The following SSH2 variants were observed in gnomAD, a reference collection of about 807,000 sequenced individuals.
The protein encoded by SSH2 is protein phosphatase Slingshot homolog 2.
In SSH2, 37 loss-of-function variants were observed where a neutral mutation model predicts 135.2. The ratio of observed to expected loss-of-function variants is 0.27; its 90% CI spans 0.21 to 0.36. SSH2 has a LOEUF of 0.36. Ranked by LOEUF, SSH2 falls within the 10% of genes least tolerant of loss-of-function variation. The pLI, the probability that SSH2 is intolerant of heterozygous loss-of-function variation, is 1.00. For synonymous variants in SSH2, 628 were observed against 646.2 expected, an observed-to-expected ratio of 0.97 and a Z score of 0.43; for missense variants, 1,408 against 1,765.3, an observed-to-expected ratio of 0.80 and a Z score of 3.63.
rs1022104050 is a variant in SSH2, at chr17:29,848,853, G to C, written c.140C>G (p.Ser47Cys). The part of the protein sequence containing the change: ...ECEESEIFTD[S>C]NEADSGEEEC... Reference sequence around the variant, plus strand: ...TAAAAACATATACCTACGTACATTGGAATCAGTAAAGATTTCTGATTCTTC... The same window carrying C: ...TAAAAACATATACCTACGTACATTGCAATCAGTAAAGATTTCTGATTCTTC... Residue 47 changes from serine to cysteine, a missense_variant, in exon 2 of 16, where the codon TCC (serine) becomes TGC (cysteine). By Grantham distance (112) the Ser-to-Cys change is moderately radical. Coordinates refer to ENST00000540801, the MANE Select transcript of SSH2 (RefSeq NM_001282129.2). The C allele has an allele frequency of 6.7e-5, 103 of 1,527,678 alleles. No individual in the cohort carries two copies. The highest frequency in any genetic ancestry group is 8.9e-5 in the Non-Finnish European group (102 of 1,140,102). 94.6% of individuals were successfully genotyped at this position (1,527,678 alleles called of 1,614,324 possible). A position where few individuals can be genotyped will look rare whatever the true frequency, so the allele number is the denominator to read the frequency against.
chr17:29,793,441 C>T (rs2042106193), intron 3 of SSH2, among the ~76,000 whole-genome samples: 1 of 152,084 alleles, frequency 6.6e-6, no homozygotes, highest in South Asian at 2.1e-4. Context: ...AAACTGAAGG[C>T]TGAAATGTTC....
At chr17:29,674,512 G>A (rs1242217916) in intron 8 of SSH2, among the ~76,000 whole-genome samples, 3 of 152,210 alleles carry the variant, frequency 2.0e-5, no homozygotes, top group African/African-American at 7.2e-5. Flanking sequence ...AGCTGCATCA[G>A]AGTGGGAGGC....
At chr17:29,872,321 G>T (rs965375721) in intron 1 of SSH2, among the ~76,000 whole-genome samples, 14 of 152,096 alleles carry the variant, frequency 9.2e-5, no homozygotes, top group Non-Finnish European at 8.8e-5. Flanking sequence ...TCCCATTCAA[G>T]AATCAAAATA....
chr17:29,829,464 TTG>T (rs113871041), intron 2 of SSH2, among the ~76,000 whole-genome samples: 9 of 149,614 alleles, frequency 6.0e-5, no homozygotes, highest in Non-Finnish European at 8.9e-5. Flanking sequence ...TGTCGATGGC[TTG>T]TGTGTGTGTG....
intron 4 of SSH2, among the ~76,000 whole-genome samples, chr17:29,700,389 T>C (rs1000151751): frequency 2.6e-5 from 4 of 152,216 alleles, no homozygotes; most frequent in Non-Finnish European, 5.9e-5. Flanking sequence ...GGATATCCTA[T>C]ACCTGGAGAT....
chr17:29,701,973 T>A (rs1221311718), intron 4 of SSH2, among the ~76,000 whole-genome samples: 1 of 149,136 alleles, frequency 6.7e-6, no homozygotes, highest in Admixed American at 6.7e-5. Flanking sequence ...GGCAATCCTC[T>A]TGCCTCAGCC....
At chr17:29,748,977 C>T (rs1399857326) in intron 3 of SSH2, among the ~76,000 whole-genome samples, 4 of 152,132 alleles carry the variant, frequency 2.6e-5, no homozygotes, top group African/African-American at 9.7e-5. Context: ...AAGGATGATT[C>T]AACTTCAATA....
chr17:29,769,259 T>C (rs1039042717), intron 3 of SSH2, among the ~76,000 whole-genome samples: 1 of 152,174 alleles, frequency 6.6e-6, no homozygotes, highest in African/African-American at 2.4e-5. Flanking sequence ...TCCATGATGA[T>C]GGAGGTTCAT....
At chr17:29,798,732 T>C (rs2042200546) in intron 2 of SSH2, among the ~76,000 whole-genome samples, 1 of 152,234 alleles carries the variant, frequency 6.6e-6, no homozygotes, top group Non-Finnish European at 1.5e-5. Flanking sequence ...TTATCCATTA[T>C]GACAATCTTT....
At chr17:29,715,493 C>G (rs1167098596) in intron 3 of SSH2, among the ~76,000 whole-genome samples, 1 of 152,024 alleles carries the variant, frequency 6.6e-6, no homozygotes, top group Non-Finnish European at 1.5e-5. Flanking sequence ...GATCCACCTG[C>G]CTCAGCCTCC....
chr17:29,837,665 T>A (rs1048304317), intron 2 of SSH2, among the ~76,000 whole-genome samples: 24 of 152,302 alleles, frequency 1.6e-4, no homozygotes, highest in African/African-American at 5.3e-4. Context: ...CCCTGCCACA[T>A]CCCAGGAGCC....
At chr17:29,744,087 G>A (rs2151214365) in intron 3 of SSH2, among the ~76,000 whole-genome samples, 1 of 152,190 alleles carries the variant, frequency 6.6e-6, no homozygotes, top group East Asian at 1.9e-4. Flanking sequence ...TCACAGCTCA[G>A]AGTACAGGGA....
At position 29,631,801 on chromosome 17, in the gene SSH2, G is replaced by A; in HGVS notation, c.3393C>T (p.Gly1131=). 1.2e-6 allele frequency: 2 copies of A among 1,614,232 alleles called. No homozygotes were observed. Among genetic ancestry groups the A allele is most frequent in the Non-Finnish European group, 1.7e-6 (2 of 1,180,044 alleles). ...TCTCCAGGGCTGTGGACAGGCTGCTGCCTCTGTCTTCAGGGCTACTCAGGA... is the reference window on the plus strand; with the variant it reads ...TCTCCAGGGCTGTGGACAGGCTGCTACCTCTGTCTTCAGGGCTACTCAGGA... ...TSILSSPEDR[G]SSLSTALETA... is the part of the protein sequence containing the mutation. The change falls in exon 16 of 16, where the codon GGC becomes GGT. Residue 1131 remains glycine, a synonymous_variant. Transcript: ENST00000540801.
chr17:29,857,592 C>T (rs917110468), intron 1 of SSH2, among the ~76,000 whole-genome samples: 3 of 152,068 alleles, frequency 2.0e-5, no homozygotes, highest in African/African-American at 4.8e-5. Context: ...CAGGCTCAAG[C>T]GATCCTCCCA....
chr17:29,659,057 TTTA>T lies in SSH2; in HGVS notation c.1033-3453_1033-3451del, dbSNP rs2036912746. ...CTTACTAATATGCTACACATAATTT[TTTA>T]TTAATTGCTTTCATTTTACATATAT... On this transcript the variant is annotated intron_variant, in intron 11 of 15. Coordinates refer to ENST00000540801, the MANE Select transcript of SSH2 (RefSeq NM_001282129.2). 3.3e-5 allele frequency among the ~76,000 whole-genome samples: 5 copies of T among 152,164 alleles called. No individual in the cohort carries two copies. In the South Asian group the frequency reaches 1.0e-3, roughly 32 times the overall value.
At chr17:29,702,150 C>G (rs564787605) in intron 4 of SSH2, among the ~76,000 whole-genome samples, 1 of 151,868 alleles carries the variant, frequency 6.6e-6, no homozygotes, top group East Asian at 1.9e-4. Flanking sequence ...GCCAGGAGTT[C>G]GACACCAGCC....
intron 1 of SSH2, among the ~76,000 whole-genome samples, chr17:29,922,333 A>G (rs2066989756): frequency 1.3e-5 from 2 of 152,222 alleles, no homozygotes; most frequent in African/African-American, 4.8e-5. Context: ...TAAAAAGCAA[A>G]TAGTTTGTAA....
intron 2 of SSH2, among the ~76,000 whole-genome samples, chr17:29,828,969 G>A (rs539232384): frequency 3.9e-5 from 6 of 152,186 alleles, no homozygotes; most frequent in African/African-American, 1.4e-4. Flanking sequence ...ATCTCCAAAT[G>A]ACATTTGTAA....
Position 29,632,329 on chromosome 17 carries a change from T to C in SSH2, c.2865A>G (p.Pro955=), listed in dbSNP as rs1322029367. 4 of 1,614,024 alleles carry C rather than the reference T, an allele frequency of 2.5e-6. No homozygotes were observed. In the South Asian group the frequency reaches 3.3e-5, roughly 13 times the overall value. Residue 955 remains proline (P), a synonymous_variant, in exon 16 of 16, where the codon CCA becomes CCG. Transcript: ENST00000540801. ...PPEHSFVLKE[P]EMSKGKGKYS... The stretch of plus-strand genomic sequence containing the variant: ...ATTTCCCTTTGCCTTTGCTCATTTC[T>C]GGTTCCTTGAGGACAAATGAATGTT...
Sources: allele counts gnomAD v4.1 joint callset (sites outside exome capture counted in the v4.1 genomes callset), GRCh38; gene constraint gnomAD v4.1.1; transcripts MANE v1.5; gene names NCBI Gene and HGNC (gene_info 2026-07-23, HGNC 2026-07-21).